Variants in CHM observed in about 807,000 individuals in gnomAD.
The protein encoded by CHM is rab proteins geranylgeranyltransferase component A 1.
A neutral mutation model predicts 49.0 loss-of-function variants in CHM; 10 were observed. That is an observed-to-expected ratio of 0.20 (90% confidence interval 0.13 to 0.35). The LOEUF (loss-of-function observed/expected upper bound fraction) is 0.35. CHM is among the 10% of genes least tolerant of loss of function. The pLI is 1.00. For missense variants in CHM, 455 were observed against 478.4 expected (o/e 0.95, Z 0.46); for synonymous variants, 184 against 167.5 (o/e 1.10, Z -0.76).
chrX:86,025,597 A>C (rs1933771441), intron 2 of CHM, among the ~76,000 whole-genome samples: 1 of 107,976 alleles, frequency 9.3e-6, no homozygotes, highest in Admixed American at 1.0e-4. Flanking sequence ...GGATAACTTG[A>C]GCCCAGGAGT....
intron 8 of CHM, among the ~76,000 whole-genome samples, chrX:85,951,093 T>G (rs1929721747): frequency 8.9e-6 from 1 of 111,802 alleles, no homozygotes; most frequent in African/African-American, 3.2e-5. Context: ...TAGAAAGCAT[T>G]TGCCACCAGT....
intron 2 of CHM, among the ~76,000 whole-genome samples, chrX:86,008,666 T>G (rs1203841724): frequency 8.9e-6 from 1 of 111,813 alleles, no homozygotes; most frequent in African/African-American, 3.2e-5. Context: ...AAAAAAATTT[T>G]CTAGTGGAGG....
At chrX:85,987,558 C>T (rs916495297) in intron 2 of CHM, among the ~76,000 whole-genome samples, 1 of 111,822 alleles carries the variant, frequency 8.9e-6, no homozygotes, top group African/African-American at 3.3e-5. Flanking sequence ...CTATTCAAAA[C>T]ATCCATGAAT....
intron 4 of CHM, among the ~76,000 whole-genome samples, chrX:85,966,877 G>C (rs1238295356): frequency 8.9e-6 from 1 of 111,940 alleles, no homozygotes; most frequent in Non-Finnish European, 1.9e-5. Context: ...GGGCCCTATA[G>C]AGTGAATGAA....
intron 1 of CHM, among the ~76,000 whole-genome samples, chrX:86,034,736 C>A (rs953372610): frequency 9.0e-6 from 1 of 111,243 alleles, no homozygotes; most frequent in Admixed American, 9.6e-5. Flanking sequence ...GCCGAGATCA[C>A]GCCATTGCAC....
chrX:85,939,411 C>A (rs1171321933), intron 8 of CHM, among the ~76,000 whole-genome samples: 2 of 112,316 alleles, frequency 1.8e-5, no homozygotes, highest in Non-Finnish European at 3.8e-5. Context: ...TGAGATATTT[C>A]TTCCATATCA....
Position 85,906,130 on chromosome X carries a change from T to A in CHM, c.1245-4942A>T, listed in dbSNP as rs756067068. Among the ~76,000 whole-genome samples the A allele has an allele frequency of 5.4e-5, 6 of 111,972 alleles. No homozygotes were observed. In the South Asian group the frequency reaches 1.9e-3, roughly 35 times the overall value. On this transcript the variant is annotated intron_variant, in intron 9 of 14. Transcript: ENST00000357749. Reference sequence around the variant, plus strand: ...GAATGGATGGATGGTTAATGAAGTATTCCGTACTTTGTGAATAGTGTAGAG... The same window carrying A: ...GAATGGATGGATGGTTAATGAAGTAATCCGTACTTTGTGAATAGTGTAGAG...
At chrX:85,899,429 CTCTT>C (rs1926106265) in intron 11 of CHM, among the ~76,000 whole-genome samples, 1 of 110,817 alleles carries the variant, frequency 9.0e-6, no homozygotes, top group Non-Finnish European at 1.9e-5. Flanking sequence ...TCTGGGGATT[CTCTT>C]TTTCTCCCCA....
intron 4 of CHM, among the ~76,000 whole-genome samples, chrX:85,972,385 G>A (rs1930977876): frequency 8.8e-6 from 1 of 113,481 alleles, no homozygotes; most frequent in African/African-American, 3.2e-5. Flanking sequence ...GGCGGTTGAT[G>A]GGACTGGGCG....
intron 8 of CHM, among the ~76,000 whole-genome samples, chrX:85,946,498 T>C (rs137957998): frequency 0.013 from 1,433 of 111,895 alleles, 14 homozygotes; most frequent in Non-Finnish European, 0.019. Context: ...CTCTGGTCGC[T>C]ACTTCAGAGG....
chrX:85,970,352 C>G, intron 4 of CHM: 1 of 746,112 alleles, frequency 1.3e-6, no homozygotes, highest in Non-Finnish European at 1.6e-6. Flanking sequence ...CATTACAATA[C>G]TATATAGTAT....
intron 4 of CHM, chrX:85,970,604 T>C (rs925347373): frequency 5.4e-6 from 1 of 186,082 alleles, no homozygotes; most frequent in African/African-American, 3.1e-5. Flanking sequence ...AAGATGTACC[T>C]ATAGCTCATG....
intron 7 of CHM, among the ~76,000 whole-genome samples, chrX:85,957,093 A>G (rs1275335383): frequency 8.9e-6 from 1 of 112,447 alleles, no homozygotes; most frequent in Non-Finnish European, 1.9e-5. Flanking sequence ...GACAGTACCT[A>G]GTAGACTTGA....
chrX:86,038,239 C>CAA (rs999884317), intron 1 of CHM, among the ~76,000 whole-genome samples: 2 of 111,820 alleles, frequency 1.8e-5, no homozygotes, highest in Admixed American at 9.5e-5. Context: ...AAAGGACAGG[C>CAA]AGAACTCAAA....
chrX:86,042,487 C>T (rs761994371), intron 1 of CHM, among the ~76,000 whole-genome samples: 8 of 109,768 alleles, frequency 7.3e-5, no homozygotes, highest in African/African-American at 2.7e-4. Context: ...TGGTGAGAGG[C>T]AAGGCAAGCA....
At chrX:85,943,238 A>T in intron 8 of CHM, among the ~76,000 whole-genome samples, 2 of 110,650 alleles carry the variant, frequency 1.8e-5, no homozygotes, top group South Asian at 7.8e-4. Flanking sequence ...AACTCAAACA[A>T]ATTTACAAGA....
intron 1 of CHM, among the ~76,000 whole-genome samples, chrX:86,033,377 T>C (rs1934114643): frequency 8.9e-6 from 1 of 112,477 alleles, no homozygotes; most frequent in Admixed American, 9.4e-5. Context: ...CATTTCAAAA[T>C]GGATTTCTGC....
chrX:86,033,494 A>T (rs1442691990), intron 1 of CHM, among the ~76,000 whole-genome samples: 3 of 112,553 alleles, frequency 2.7e-5, no homozygotes. Flanking sequence ...TTTAATAAAG[A>T]GTAAGTTCTT....
intron 8 of CHM, among the ~76,000 whole-genome samples, chrX:85,914,502 A>G (rs1309361457): frequency 1.8e-5 from 2 of 110,384 alleles, no homozygotes; most frequent in Non-Finnish European, 3.8e-5. Flanking sequence ...AACCTCCCCC[A>G]GTGAGCATCC....
Sources: allele counts gnomAD v4.1 joint callset (sites outside exome capture counted in the v4.1 genomes callset), GRCh38; gene constraint gnomAD v4.1.1; transcripts MANE v1.5; gene names NCBI Gene and HGNC (gene_info 2026-07-23, HGNC 2026-07-21).